The following GNA15 variants were observed in gnomAD, a reference collection of about 807,000 sequenced individuals.
GNA15 encodes G protein subunit alpha 15, also known as guanine nucleotide-binding protein subunit alpha-15.
In GNA15, 23 loss-of-function variants were observed where a neutral mutation model predicts 40.1. The ratio of observed to expected loss-of-function variants is 0.57; its 90% CI spans 0.41 to 0.81. The LOEUF (loss-of-function observed/expected upper bound fraction) is 0.81, where lower values mean the gene tolerates loss of function less well. Ranked by LOEUF, GNA15 falls within the 40% of genes least tolerant of loss-of-function variation. The probability of loss-of-function intolerance (pLI) is 0.00; values close to 1 mark genes in which losing one functional copy is unlikely to be tolerated. For synonymous variants in GNA15, 226 were observed against 210.4 expected (o/e 1.07, Z -0.64); for missense variants, 522 against 515.8 (o/e 1.01, Z -0.12).
chr19:3,163,051 C>T lies in GNA15; in HGVS notation c.*32C>T, dbSNP rs552318460. 12 of 1,470,352 alleles carry T rather than the reference C, an allele frequency of 8.2e-6. No individual in the cohort carries two copies. The highest frequency in any genetic ancestry group is 4.5e-5 in the East Asian group (2 of 44,088). 91.1% of individuals were successfully genotyped at this position (1,470,352 alleles called of 1,614,324 possible). On this transcript the variant is annotated 3_prime_UTR_variant, in exon 7 of 7. Coordinates refer to ENST00000262958, the MANE Select transcript of GNA15 (RefSeq NM_002068.4). ...CCCCACCTGGGGCAGGCGGCACCGG[C>T]GGGCGGGTGGGAGGTGGGAGTGGCT...
intron 1 of GNA15, chr19:3,142,578 G>T (rs1402463303): frequency 6.6e-6 from 1 of 151,586 alleles, no homozygotes; most frequent in African/African-American, 2.4e-5. Flanking sequence ...GAGCCCAAAA[G>T]GTCCAGTCCT....
In GNA15 at chr19:3,163,152, C is replaced by A; in HGVS notation, c.*133C>A. Reference sequence around the variant, plus strand: ...CAAGGGAGTCGGGGGACGGACGGCCCGCTGCTGGCCGCTCTCTTCTCTGCC... The same window carrying A: ...CAAGGGAGTCGGGGGACGGACGGCCAGCTGCTGGCCGCTCTCTTCTCTGCC... On this transcript the variant is annotated 3_prime_UTR_variant, in exon 7 of 7. Coordinates refer to ENST00000262958, the MANE Select transcript of GNA15 (RefSeq NM_002068.4). 1 of 637,874 alleles carries A rather than the reference C, an allele frequency of 1.6e-6. No homozygotes were observed. Among genetic ancestry groups the A allele is most frequent in the Non-Finnish European group, 2.8e-6 (1 of 355,792 alleles). 39.5% of individuals were successfully genotyped at this position (637,874 alleles called of 1,614,324 possible).
At chr19:3,146,151 C>T (rs1568294918) in intron 1 of GNA15, among the ~76,000 whole-genome samples, 1 of 152,124 alleles carries the variant, frequency 6.6e-6, no homozygotes, top group Admixed American at 6.5e-5. Context: ...TGCACCGACC[C>T]CTACCCCCGC....
At chr19:3,145,359 A>ATATATATATATATATATTTTTT in intron 1 of GNA15, among the ~76,000 whole-genome samples, 3 of 46,972 alleles carry the variant, frequency 6.4e-5, no homozygotes, top group South Asian at 7.4e-4. Context: ...ATATATATAT[A>ATATATATATATATATATTTTTT]TTTTTTTTTT....
Position 3,136,981 on chromosome 19 carries a change from C to T in GNA15, c.145+386C>T, listed in dbSNP as rs1309287278. Among the ~76,000 whole-genome samples the T allele has an allele frequency of 3.9e-5, 6 of 152,196 alleles. No individual in the cohort carries two copies. Among genetic ancestry groups the T allele is most frequent in the Non-Finnish European group, 8.8e-5 (6 of 68,032 alleles). On this transcript the variant is annotated intron_variant, in intron 1 of 6. Transcript: ENST00000262958. This position sits in a 1 kb window ranked among gnomAD's most constrained non-coding sequence, Gnocchi z 4.9. ...GCCAGCCCACCCGTAAGGGAGGGGCCGGCTCCAGCCTCTCCTTCACCAGGA... is the reference window on the plus strand; with the variant it reads ...GCCAGCCCACCCGTAAGGGAGGGGCTGGCTCCAGCCTCTCCTTCACCAGGA...
chr19:3,156,422 C>CACACACATGCACACACACAGT (rs1402685312), intron 5 of GNA15, among the ~76,000 whole-genome samples: 1 of 122,794 alleles, frequency 8.1e-6, no homozygotes, highest in Admixed American at 7.6e-5. Flanking sequence ...CACACATGAA[C>CACACACATGCACACACACAGT]ACACACATGC....
chr19:3,136,870 C>T lies in GNA15; in HGVS notation c.145+275C>T, dbSNP rs571304386. On this transcript the variant is annotated intron_variant, in intron 1 of 6. Coordinates refer to ENST00000262958, the MANE Select transcript of GNA15 (RefSeq NM_002068.4). This position sits in a 1 kb window ranked among gnomAD's most constrained non-coding sequence, Gnocchi z 4.9. ...TATACAATAGCAGACGTGGCTCTAC[C>T]GGGCCCCTGCCGGGCAGGCCCAGCA... Among the ~76,000 whole-genome samples the T allele has an allele frequency of 5.9e-5, 9 of 152,370 alleles. No homozygotes were observed. The highest frequency in any genetic ancestry group is 6.8e-3 in the Middle Eastern group (2 of 294).
intron 1 of GNA15, among the ~76,000 whole-genome samples, chr19:3,147,999 C>A (rs558837216): frequency 4.4e-4 from 67 of 152,118 alleles, no homozygotes; most frequent in African/African-American, 1.6e-3. Context: ...GCGACCCTTA[C>A]CGTGAGCATT....
chr19:3,152,751 C>T (rs916672495), intron 4 of GNA15, among the ~76,000 whole-genome samples: 3 of 152,146 alleles, frequency 2.0e-5, no homozygotes, highest in East Asian at 1.9e-4. Context: ...TGCCCAGAGA[C>T]AGCGATTGTG....
chr19:3,156,889 C>A (rs1010062477), intron 5 of GNA15, among the ~76,000 whole-genome samples: 1 of 152,104 alleles, frequency 6.6e-6, no homozygotes, highest in East Asian at 1.9e-4. Flanking sequence ...CGTGTGATGG[C>A]CCTGTTTCCA....
In GNA15 at chr19:3,162,903, C is replaced by G; in HGVS notation, c.1009C>G (p.Arg337Gly). ...GGGCAGCAAGAAGGGCGCACGATCC[C>G]GACGCCTCTTCAGCCACTACACATG... The part of the protein sequence containing the change: ...PEGSKKGARS[R>G]RLFSHYTCAT... The change falls in exon 7 of 7, where the codon CGA (arginine) becomes GGA (glycine). Residue 337 changes from arginine to glycine, a missense_variant. Physicochemically the swap from Arg to Gly is moderately radical, Grantham distance 125 (BLOSUM62 -2). Coordinates refer to ENST00000262958, the MANE Select transcript of GNA15 (RefSeq NM_002068.4). 1 of 1,613,816 alleles carries G rather than the reference C, an allele frequency of 6.2e-7. No individual in the cohort carries two copies. The highest frequency in any genetic ancestry group is 8.5e-7 in the Non-Finnish European group (1 of 1,179,722).
chr19:3,148,807 C>T (rs756872136), intron 2 of GNA15, 32 bp downstream of exon 2: 25 of 1,553,764 alleles, frequency 1.6e-5, no homozygotes, highest in Middle Eastern at 3.5e-4. Flanking sequence ...GGGCCCAGGG[C>T]AGGCAGGGGC....
chr19:3,157,373 C>T (rs559788659), intron 5 of GNA15, among the ~76,000 whole-genome samples: 7 of 152,300 alleles, frequency 4.6e-5, no homozygotes, highest in South Asian at 2.1e-4. Context: ...CTCACCTTAA[C>T]GACCTCTTCA....
chr19:3,138,949 TTTTTTC>T (rs903496052), intron 1 of GNA15, among the ~76,000 whole-genome samples: 1 of 140,250 alleles, frequency 7.1e-6, no homozygotes, highest in African/African-American at 2.7e-5. Flanking sequence ...CTTTTTTTTT[TTTTTTC>T]TTTTTTTTTA....
chr19:3,136,162 G>A lies in GNA15; in HGVS notation c.-289G>A, dbSNP rs528074112. On this transcript the variant is annotated 5_prime_UTR_variant, in exon 1 of 7. Coordinates refer to ENST00000262958, the MANE Select transcript of GNA15 (RefSeq NM_002068.4). This position sits in a 1 kb window ranked among gnomAD's most constrained non-coding sequence, Gnocchi z 4.9. The stretch of plus-strand genomic sequence containing the variant: ...TGGCACCCTTCACCGTCAACCTGTC[G>A]GGCCGGGTCTGAGCAGGTCTGGAGG... 8 of 272,288 alleles carry A rather than the reference G, an allele frequency of 2.9e-5. No homozygotes were observed. The highest frequency in any genetic ancestry group is 2.0e-4 in the South Asian group (3 of 15,278). The allele number at this position is 272,288 out of a possible 1,614,324, so 16.9% of individuals were successfully genotyped here.
intron 1 of GNA15, among the ~76,000 whole-genome samples, chr19:3,138,605 CCTTT>C (rs1469075593): frequency 2.0e-5 from 3 of 152,042 alleles, no homozygotes; most frequent in East Asian, 1.9e-4. Flanking sequence ...CACTGGGGGC[CCTTT>C]CTTTCTTTTT....
chr19:3,162,388 G>GAAA (rs34612768), intron 6 of GNA15, among the ~76,000 whole-genome samples: 58,309 of 148,098 alleles, frequency 0.39, 11,719 homozygotes, highest in Non-Finnish European at 0.43. Flanking sequence ...CCCATCTCAA[G>GAAA]AAAAAAAAAA....
In GNA15 at chr19:3,151,773, C is replaced by T. The variant is rs1260743046; in HGVS notation, c.552C>T (p.Arg184=). The T allele has an allele frequency of 1.2e-6, 2 of 1,612,706 alleles. No individual in the cohort carries two copies. The highest frequency in any genetic ancestry group is 2.7e-5 in the African/African-American group (2 of 74,910). The change falls in exon 4 of 7, where the codon CGC becomes CGT. Residue 184 remains arginine (R), a synonymous_variant. Transcript: ENST00000262958. The surrounding 1 kb of genome is among the most constrained non-coding windows in gnomAD (Gnocchi z 5.0). ...TCCCCACAGCTCAGGACGTGCTCCG[C>T]AGCCGCATGCCCACCACTGGCATCA... The part of the protein sequence containing the change: ...GYVPTAQDVL[R]SRMPTTGINE...
chr19:3,142,495 C>T (rs1406063257), intron 1 of GNA15: 2 of 148,584 alleles, frequency 1.3e-5, no homozygotes, highest in South Asian at 2.1e-4. Context: ...CTGTTGCTTG[C>T]CAAGACTTAT....
Sources: allele counts gnomAD v4.1 joint callset (sites outside exome capture counted in the v4.1 genomes callset), GRCh38; gene constraint gnomAD v4.1.1; non-coding constraint Gnocchi (gnomAD v3.1); transcripts MANE v1.5; gene names NCBI Gene and HGNC (gene_info 2026-07-23, HGNC 2026-07-21).